The following GINM1 variants were observed in gnomAD, a reference collection of about 807,000 sequenced individuals.
GINM1 encodes glycoprotein integral membrane protein 1.
Under a neutral mutation model 37.8 loss-of-function variants are expected in GINM1, and 29 were observed. That is an observed-to-expected ratio of 0.77 (90% CI 0.57 to 1.05). GINM1 has a LOEUF of 1.05. Among genes scored for constraint, GINM1 ranks in the 50% least tolerant of loss-of-function variants. GINM1 has a pLI of 0.00. For missense variants in GINM1, 377 were observed against 397.9 expected (o/e 0.95, Z 0.45); for synonymous variants, 143 against 146.2 (o/e 0.98, Z 0.16).
chr6:149,589,769 G>A (rs939001538), intron 7 of GINM1, among the ~76,000 whole-genome samples: 1 of 151,948 alleles, frequency 6.6e-6, no homozygotes, highest in African/African-American at 2.4e-5. Context: ...GTCTATTCCT[G>A]TGCCAGTAGC....
chr6:149,584,786 G>A (rs1337316251), intron 7 of GINM1, among the ~76,000 whole-genome samples: 1 of 149,118 alleles, frequency 6.7e-6, no homozygotes, highest in Admixed American at 6.7e-5. Flanking sequence ...TATAATACTT[G>A]TATATATTTT....
In GINM1 at chr6:149,566,504, C is replaced by T. The variant is rs1777719525; in HGVS notation, c.90C>T (p.Pro30=). The change falls in exon 1 of 8, where the codon CCC becomes CCT. Residue 30 remains proline (P), a synonymous_variant. Transcript: ENST00000367419. The surrounding 1 kb of genome is among the most constrained non-coding windows in gnomAD (Gnocchi z 4.4). ...PASGWLTTGA[P]EPPPLSGAPQ... ...CCGGCTGGCTGACGACGGGCGCCCC[C>T]GAGCCGCCGCCGCTGTCCGGAGCCC... The T allele has an allele frequency of 2.0e-6, 3 of 1,534,612 alleles. No homozygotes were observed. Among genetic ancestry groups the T allele is most frequent in the Non-Finnish European group, 2.6e-6 (3 of 1,150,034 alleles).
rs1368630088 is a variant in GINM1 at position 149,566,532 on chromosome 6, C to T, written c.118C>T (p.Gln40Ter). Residue 40 changes from glutamine (Q) to a stop codon, truncating the protein, a stop_gained and splice_region_variant, in exon 1 of 8, where the codon CAG becomes TAG. Coordinates refer to ENST00000367419, the MANE Select transcript of GINM1 (RefSeq NM_138785.5). LOFTEE classifies it high-confidence loss of function. This position sits in a 1 kb window ranked among gnomAD's most constrained non-coding sequence, Gnocchi z 4.4. ...PEPPPLSGAPQDGIRINVTTL... is the reference protein window; with the variant it reads ...PEPPPLSGAP ...GCCGCCGCCGCTGTCCGGAGCCCCA[C>T]AGGTAGGGCAGGGCGGGCCTGGCTG... 4 of 1,517,144 alleles carry T rather than the reference C, an allele frequency of 2.6e-6. No homozygotes were observed. The highest frequency in any genetic ancestry group is 3.5e-6 in the Non-Finnish European group (4 of 1,139,460). 94.0% of individuals were successfully genotyped at this position (1,517,144 alleles called of 1,614,324 possible).
chr6:149,571,463 A>G (rs966939547), intron 1 of GINM1, among the ~76,000 whole-genome samples: 1 of 152,228 alleles, frequency 6.6e-6, no homozygotes, highest in African/African-American at 2.4e-5. Context: ...CAACAGTATC[A>G]ACTACAGTTA....
chr6:149,583,340 G>A lies in GINM1; in HGVS notation c.881+737G>A, dbSNP rs144320342. ...TAGCCAGCCGTGGTGGCAGGCGCCT[G>A]TAGTCCCAGTTACTCAGGAGGCTGA... On this transcript the variant is annotated intron_variant, in intron 7 of 7. Coordinates refer to ENST00000367419, the MANE Select transcript of GINM1 (RefSeq NM_138785.5). Among the ~76,000 whole-genome samples the A allele has an allele frequency of 3.1e-3, 469 of 152,286 alleles. 3 individuals carry two copies. Among genetic ancestry groups the A allele is most frequent in the African/African-American group, 0.011 (447 of 41,550 alleles).
intron 5 of GINM1, 63 bp downstream of exon 5, chr6:149,580,053 A>G: frequency 1.9e-6 from 2 of 1,041,912 alleles, no homozygotes; most frequent in Non-Finnish European, 2.8e-6. Context: ...GTAGCTTTAT[A>G]TACTCTTGAA....
chr6:149,570,494 T>C (rs1441785612), intron 1 of GINM1, among the ~76,000 whole-genome samples: 2 of 151,750 alleles, frequency 1.3e-5, no homozygotes, highest in East Asian at 4.0e-4. Context: ...GAGGAATTTC[T>C]AGTTAGAAAG....
At chr6:149,571,269 C>T (rs939568528) in intron 1 of GINM1, among the ~76,000 whole-genome samples, 5 of 149,440 alleles carry the variant, frequency 3.3e-5, no homozygotes, top group Non-Finnish European at 7.4e-5. Context: ...GAGCCAAGAT[C>T]GCCACTGCAC....
chr6:149,566,493 A>G lies in GINM1; in HGVS notation c.79A>G (p.Thr27Ala). The G allele has an allele frequency of 6.5e-7, 1 of 1,542,476 alleles. No individual in the cohort carries two copies. The highest frequency in any genetic ancestry group is 8.7e-7 in the Non-Finnish European group (1 of 1,154,978). The part of the protein sequence containing the change: ...VALPASGWLT[T>A]GAPEPPPLSG... ...GCTACCCGCCTCCGGCTGGCTGACG[A>G]CGGGCGCCCCCGAGCCGCCGCCGCT... Residue 27 changes from threonine to alanine, a missense_variant, in exon 1 of 8, where the codon ACG becomes GCG. By Grantham distance (58) the Thr-to-Ala change is moderately conservative. Coordinates refer to ENST00000367419, the MANE Select transcript of GINM1 (RefSeq NM_138785.5). The surrounding 1 kb of genome is among the most constrained non-coding windows in gnomAD (Gnocchi z 4.4).
chr6:149,585,491 A>G (rs1311217523), intron 7 of GINM1, among the ~76,000 whole-genome samples: 2 of 152,212 alleles, frequency 1.3e-5, no homozygotes, highest in Non-Finnish European at 2.9e-5. Flanking sequence ...CAGGTTTCCC[A>G]AACTTTCTTG....
chr6:149,586,602 TG>T (rs1778074691), intron 7 of GINM1, among the ~76,000 whole-genome samples: 2 of 152,218 alleles, frequency 1.3e-5, no homozygotes, highest in Non-Finnish European at 1.5e-5. Flanking sequence ...TGAAGTCTCT[TG>T]AAAATTTATA....
At chr6:149,572,869 C>T (rs1777851157) in intron 3 of GINM1, among the ~76,000 whole-genome samples, 1 of 152,142 alleles carries the variant, frequency 6.6e-6, no homozygotes, top group African/African-American at 2.4e-5. Flanking sequence ...GCCATGTTGG[C>T]CAGGCTGGTC....
At chr6:149,573,065 G>A (rs1225902461) in intron 3 of GINM1, among the ~76,000 whole-genome samples, 5 of 152,194 alleles carry the variant, frequency 3.3e-5, no homozygotes, top group Non-Finnish European at 5.9e-5. Context: ...GCTCACGCCT[G>A]TAATCCCAAC....
intron 1 of GINM1, among the ~76,000 whole-genome samples, chr6:149,568,728 C>T (rs1053520952): frequency 2.6e-5 from 4 of 152,110 alleles, no homozygotes; most frequent in Non-Finnish European, 4.4e-5. Context: ...TGCCTTCTTC[C>T]GATGACTCAG....
At chr6:149,585,258 T>A (rs2115062460) in intron 7 of GINM1, among the ~76,000 whole-genome samples, 1 of 152,332 alleles carries the variant, frequency 6.6e-6, no homozygotes, top group East Asian at 1.9e-4. Context: ...TGCAGATACT[T>A]CCTGGTAGAA....
chr6:149,570,225 G>A (rs1180774809), intron 1 of GINM1, among the ~76,000 whole-genome samples: 4 of 126,068 alleles, frequency 3.2e-5, no homozygotes, highest in African/African-American at 1.2e-4. Flanking sequence ...TAACAATATA[G>A]TGTTCACTGC....
At chr6:149,583,896 T>A (rs1268594326) in intron 7 of GINM1, among the ~76,000 whole-genome samples, 1 of 152,162 alleles carries the variant, frequency 6.6e-6, no homozygotes, top group Non-Finnish European at 1.5e-5. Flanking sequence ...CTTTTGTATA[T>A]TTTTTAGTCA....
In GINM1 at chr6:149,582,466, T is replaced by C; in HGVS notation, c.744T>C (p.Phe248=). 1.2e-6 allele frequency: 2 copies of C among 1,607,678 alleles called. No individual in the cohort carries two copies. The highest frequency in any genetic ancestry group is 1.7e-6 in the Non-Finnish European group (2 of 1,178,754). The change falls in exon 7 of 8, where the codon TTT becomes TTC. Residue 248 remains phenylalanine (F), a synonymous_variant. Transcript: ENST00000367419. ...YKVMCQWMEK[F]RKDLCRFWSN... is the part of the protein sequence containing the mutation. ...TAATGTGTCAGTGGATGGAAAAGTT[T>C]AGAAAAGATCTGTGTAGGTTCTGGA...
Position 149,566,876 on chromosome 6 carries a change from A to T in GINM1, c.120+342A>T, listed in dbSNP as rs1777727798. Among the ~76,000 whole-genome samples the T allele has an allele frequency of 1.3e-5, 2 of 152,168 alleles. No individual in the cohort carries two copies. Among genetic ancestry groups the T allele is most frequent in the African/African-American group, 2.4e-5 (1 of 41,444 alleles). On this transcript the variant is annotated intron_variant, in intron 1 of 7. Transcript: ENST00000367419. This position sits in a 1 kb window ranked among gnomAD's most constrained non-coding sequence, Gnocchi z 4.4. ...TCGTAATGGCGCCTTCCCGGGGTAGAGCCAGCGCTTGGGCAAGGAATGTTT... is the reference window on the plus strand; with the variant it reads ...TCGTAATGGCGCCTTCCCGGGGTAGTGCCAGCGCTTGGGCAAGGAATGTTT...
Sources: gnomAD v4.1 joint callset for allele counts (sites outside exome capture counted in the v4.1 genomes callset) on GRCh38, gnomAD v4.1.1 for gene constraint, Gnocchi (gnomAD v3.1) non-coding constraint, MANE v1.5 for transcripts, NCBI Gene and HGNC (gene_info 2026-07-23, HGNC 2026-07-21) for gene names.